The following LRRTM4 variants were observed in gnomAD, a reference collection of about 807,000 sequenced individuals.
The protein encoded by LRRTM4 is leucine rich repeat transmembrane neuronal 4.
LRRTM4 carries 25 observed loss-of-function variants against 47.6 expected under a neutral mutation model. The ratio of observed to expected loss-of-function variants is 0.53; its 90% CI spans 0.38 to 0.73. LRRTM4 has a LOEUF of 0.73. Among genes scored for constraint, LRRTM4 ranks in the 30% least tolerant of loss-of-function variants. LRRTM4 has a pLI of 0.00. For synonymous variants in LRRTM4, 311 were observed against 269.5 expected, an observed-to-expected ratio of 1.15 and a Z score of -1.51; for missense variants, 638 against 713.4, an observed-to-expected ratio of 0.89 and a Z score of 1.20.
At chr2:76,993,226 C>T (rs994641150) in intron 3 of LRRTM4, among the ~76,000 whole-genome samples, 28 of 151,854 alleles carry the variant, frequency 1.8e-4, no homozygotes, top group Admixed American at 1.6e-3. Context: ...TAATTTGTTA[C>T]TAAGTCCTCA....
chr2:77,331,806 T>A (rs931536042), intron 3 of LRRTM4, among the ~76,000 whole-genome samples: 1 of 152,208 alleles, frequency 6.6e-6, no homozygotes, highest in Non-Finnish European at 1.5e-5. Flanking sequence ...ATCTCTGTTT[T>A]TTTCTAGTGT....
intron 3 of LRRTM4, among the ~76,000 whole-genome samples, chr2:77,424,893 T>C (rs945878808): frequency 6.6e-6 from 1 of 152,286 alleles, no homozygotes; most frequent in Admixed American, 6.5e-5. Flanking sequence ...GTGTTGGTTG[T>C]TTTTATTAAA....
At chr2:77,157,895 G>T (rs1291542628) in intron 3 of LRRTM4, among the ~76,000 whole-genome samples, 1 of 152,108 alleles carries the variant, frequency 6.6e-6, no homozygotes, top group Non-Finnish European at 1.5e-5. Context: ...GAAACTACAG[G>T]TCAAACAGCT....
At chr2:76,888,510 A>T (rs1234337087) in intron 3 of LRRTM4, among the ~76,000 whole-genome samples, 1 of 151,694 alleles carries the variant, frequency 6.6e-6, no homozygotes, top group Non-Finnish European at 1.5e-5. Context: ...CAATATGTAT[A>T]CACATCTCTC....
At position 77,387,703 on chromosome 2, in the gene LRRTM4, G is replaced by A. The variant is rs765385210; in HGVS notation, c.1551+130615C>T. Among the ~76,000 whole-genome samples the A allele has an allele frequency of 2.6e-5, 4 of 151,950 alleles. No homozygotes were observed. The East Asian group carries it at 5.8e-4, about 22-fold the overall frequency. ...CAGCTTGCATGCAGGCTAACACCGC[G>A]GGCCCTTCACAGTTCTTGACAAGGA... On this transcript the variant is annotated intron_variant, in intron 3 of 3. Coordinates refer to ENST00000409884, the MANE Select transcript of LRRTM4 (RefSeq NM_001134745.3).
At chr2:77,207,430 T>G (rs1674166562) in intron 3 of LRRTM4, among the ~76,000 whole-genome samples, 1 of 150,268 alleles carries the variant, frequency 6.7e-6, no homozygotes, top group African/African-American at 2.5e-5. Context: ...TTTGTTTTCT[T>G]ACCAGAAAAC....
intron 3 of LRRTM4, among the ~76,000 whole-genome samples, chr2:76,816,565 T>A (rs1670902206): frequency 6.6e-6 from 1 of 151,922 alleles, no homozygotes; most frequent in Non-Finnish European, 1.5e-5. Context: ...TTTTTTATTT[T>A]TTTATTTTTT....
chr2:77,338,211 C>T (rs1189452240), intron 3 of LRRTM4, among the ~76,000 whole-genome samples: 14 of 152,078 alleles, frequency 9.2e-5, no homozygotes. Flanking sequence ...TCCTCAAAAG[C>T]AATTGCAACA....
At chr2:76,916,916 AAC>A (rs1212435457) in intron 3 of LRRTM4, among the ~76,000 whole-genome samples, 2 of 152,250 alleles carry the variant, frequency 1.3e-5, no homozygotes, top group African/African-American at 2.4e-5. Context: ...CATTGCAAAT[AAC>A]AGTTTCATAT....
At chr2:76,896,003 G>C (rs1673405976) in intron 3 of LRRTM4, among the ~76,000 whole-genome samples, 1 of 152,080 alleles carries the variant, frequency 6.6e-6, no homozygotes, top group African/African-American at 2.4e-5. Context: ...GCTACTGTGT[G>C]TATGAACACA....
At chr2:76,950,533 G>GA in intron 3 of LRRTM4, among the ~76,000 whole-genome samples, 2 of 151,806 alleles carry the variant, frequency 1.3e-5, no homozygotes, top group South Asian at 2.1e-4. Flanking sequence ...AAAAGTTTAG[G>GA]AAAAAATGTG....
intron 3 of LRRTM4, among the ~76,000 whole-genome samples, chr2:76,914,728 C>T (rs542229854): frequency 1.2e-4 from 19 of 152,172 alleles, no homozygotes; most frequent in African/African-American, 1.9e-4. Flanking sequence ...AATTCTATTT[C>T]TCAAATTTAT....
At chr2:76,925,195 G>A (rs1001605849) in intron 3 of LRRTM4, among the ~76,000 whole-genome samples, 1 of 152,150 alleles carries the variant, frequency 6.6e-6, no homozygotes, top group African/African-American at 2.4e-5. Context: ...CTTTAAAAGA[G>A]GGTAAAAGAG....
chr2:76,903,819 G>A (rs1288580438), intron 3 of LRRTM4, among the ~76,000 whole-genome samples: 2 of 152,124 alleles, frequency 1.3e-5, no homozygotes, highest in East Asian at 1.9e-4. Flanking sequence ...TCATAGAAAG[G>A]TGGCATCGAG....
intron 3 of LRRTM4, among the ~76,000 whole-genome samples, chr2:76,780,920 A>G (rs2104157591): frequency 6.6e-6 from 1 of 152,050 alleles, no homozygotes; most frequent in Admixed American, 6.6e-5. Flanking sequence ...GATGATGGTG[A>G]TGTACAGATG....
intron 3 of LRRTM4, among the ~76,000 whole-genome samples, chr2:76,986,778 G>A (rs1676813888): frequency 6.6e-6 from 1 of 151,898 alleles, no homozygotes; most frequent in Non-Finnish European, 1.5e-5. Flanking sequence ...CCTAAAGCAA[G>A]TTTACTCCTT....
At chr2:77,040,046 T>C (rs1678972711) in intron 3 of LRRTM4, among the ~76,000 whole-genome samples, 1 of 151,244 alleles carries the variant, frequency 6.6e-6, no homozygotes, top group South Asian at 2.1e-4. Context: ...TTGATGTATG[T>C]TGTAGCATTA....
intron 3 of LRRTM4, among the ~76,000 whole-genome samples, chr2:77,449,559 G>C (rs114393486): frequency 6.5e-4 from 99 of 152,228 alleles, no homozygotes; most frequent in African/African-American, 2.4e-3. Context: ...TCATTTCCCA[G>C]TCTCTCTTAT....
intron 3 of LRRTM4, among the ~76,000 whole-genome samples, chr2:76,870,526 T>C (rs987657040): frequency 6.6e-6 from 1 of 152,196 alleles, no homozygotes; most frequent in Non-Finnish European, 1.5e-5. Flanking sequence ...CAAGCTTAGG[T>C]ATATGGCAGG....
Sources: gnomAD v4.1 joint callset for allele counts (sites outside exome capture counted in the v4.1 genomes callset) on GRCh38, gnomAD v4.1.1 for gene constraint, MANE v1.5 for transcripts, NCBI Gene and HGNC (gene_info 2026-07-23, HGNC 2026-07-21) for gene names.